Variants in GCM2 observed in about 807,000 individuals in gnomAD.
GCM2 encodes the protein GCM transcription factor 2.
In GCM2, 21 loss-of-function variants were observed where a neutral mutation model predicts 24.8. The ratio of observed to expected loss-of-function variants is 0.85; its 90% CI spans 0.60 to 1.22. The LOEUF is 1.22. GCM2 is among the 50% of genes most tolerant of loss of function. The probability of loss-of-function intolerance (pLI) is 0.00; values close to 1 mark genes in which losing one functional copy is unlikely to be tolerated. For missense variants in GCM2, 532 were observed against 645.6 expected, an observed-to-expected ratio of 0.82 and a Z score of 1.91; for synonymous variants, 222 against 238.0, an observed-to-expected ratio of 0.93 and a Z score of 0.62.
At chr6:10,875,134 C>T (rs747593538) in intron 4 of GCM2, among the ~76,000 whole-genome samples, 37 of 152,160 alleles carry the variant, frequency 2.4e-4, no homozygotes, top group East Asian at 7.7e-4. Flanking sequence ...TAAATACCAA[C>T]GACTGAATGA....
chr6:10,873,308 C>T lies in GCM2; in HGVS notation c.*687G>A, dbSNP rs1198319075. ...TAGTACAATGGTAATCCATTAAATA[C>T]AACTCATCATTGTTAGGCTGTCTCT... is the stretch of plus-strand genomic sequence containing the variant. On this transcript the variant is annotated 3_prime_UTR_variant, in exon 5 of 5. Coordinates refer to ENST00000379491, the MANE Select transcript of GCM2 (RefSeq NM_004752.4). The T allele has an allele frequency of 6.5e-6, 1 of 152,772 alleles. No homozygotes were observed. Among genetic ancestry groups the T allele is most frequent in the East Asian group, 1.9e-4 (1 of 5,210 alleles). The allele number at this position is 152,772 out of a possible 1,614,324, so 9.5% of individuals were successfully genotyped here.
chr6:10,877,791 A>G lies in GCM2; in HGVS notation c.91-399T>C, dbSNP rs1000323614. Among the ~76,000 whole-genome samples, 89 of 152,346 alleles carry G rather than the reference A, an allele frequency of 5.8e-4. 1 individual carries two copies. The highest frequency in any genetic ancestry group is 2.1e-3 in the African/African-American group (86 of 41,568). On this transcript the variant is annotated intron_variant, in intron 1 of 4. Transcript: ENST00000379491. The stretch of plus-strand genomic sequence containing the variant: ...AGCCTGTACTTCTTACCACTATGTT[A>G]TATCACTTCTTGGTGTGTTTAAATG...
chr6:10,873,757 C>G lies in GCM2; in HGVS notation c.*238G>C. The G allele has an allele frequency of 1.8e-6, 1 of 562,124 alleles. No homozygotes were observed. The highest frequency in any genetic ancestry group is 3.2e-6 in the Non-Finnish European group (1 of 311,932). The allele number at this position is 562,124 out of a possible 1,614,324, so 34.8% of individuals were successfully genotyped here. ...TGCTTATTTGTTCATTTGAGAGACT[C>G]ACACTTTCCTCACTACTTCTATGTA... On this transcript the variant is annotated 3_prime_UTR_variant, in exon 5 of 5. Coordinates refer to ENST00000379491, the MANE Select transcript of GCM2 (RefSeq NM_004752.4).
Position 10,881,870 on chromosome 6 carries a change from T to C in GCM2, c.-77A>G, listed in dbSNP as rs556333986. ...AAAGGACAGGTGCGCCAGGTGGGTT[T>C]TTTTTCTTCTCTTTAAAGAAGAAAG... On this transcript the variant is annotated 5_prime_UTR_variant, in exon 1 of 5. Transcript: ENST00000379491. 1.5e-4 allele frequency: 175 copies of C among 1,130,760 alleles called. No individual in the cohort carries two copies. Among genetic ancestry groups the C allele is most frequent in the Non-Finnish European group, 2.2e-4 (168 of 764,238 alleles). The allele number at this position is 1,130,760 out of a possible 1,614,324, so 70.0% of individuals were successfully genotyped here.
chr6:10,877,297 G>T lies in GCM2; in HGVS notation c.186C>A (p.Ser62Arg). ...TGTTGGTGTTGCGCATGGCCCAGCC[G>T]CTCAGGTGACGCTGTGCCTTCTTCT... The part of the protein sequence containing the change: ...SDEKKAQRHL[S>R]GWAMRNTNNH... Residue 62 changes from serine to arginine, a missense_variant, in exon 2 of 5, where the codon AGC (serine) becomes AGA (arginine). This residue lies in a region of GCM2 where 96 missense variants were observed against 103.5 expected (regional missense o/e 0.93). Coordinates refer to ENST00000379491, the MANE Select transcript of GCM2 (RefSeq NM_004752.4). 1.2e-6 allele frequency: 2 copies of T among 1,614,198 alleles called. No individual in the cohort carries two copies. The highest frequency in any genetic ancestry group is 1.7e-6 in the Non-Finnish European group (2 of 1,180,034).
intron 1 of GCM2, among the ~76,000 whole-genome samples, chr6:10,878,322 T>G (rs1239299289): frequency 6.6e-6 from 1 of 152,180 alleles, no homozygotes; most frequent in Non-Finnish European, 1.5e-5. Flanking sequence ...GAGCACTTCC[T>G]TTTTTCTTTT....
At position 10,876,575 on chromosome 6, in the gene GCM2, G is replaced by C. The variant is rs779715308; in HGVS notation, c.344-18C>G. 2 of 1,477,920 alleles carry C rather than the reference G, an allele frequency of 1.4e-6. No homozygotes were observed. Among genetic ancestry groups the C allele is most frequent in the African/African-American group, 1.4e-5 (1 of 72,432 alleles). The allele number at this position is 1,477,920 out of a possible 1,614,324, so 91.6% of individuals were successfully genotyped here. On this transcript the variant is annotated intron_variant, in intron 2 of 4. Coordinates refer to ENST00000379491, the MANE Select transcript of GCM2 (RefSeq NM_004752.4). Reference sequence around the variant, plus strand: ...TGCCTTCTCTGCAAAGCCCAGAAGGGAGAAATATTAACCCTGACCCCAGAC... The same window carrying C: ...TGCCTTCTCTGCAAAGCCCAGAAGGCAGAAATATTAACCCTGACCCCAGAC...
intron 1 of GCM2, among the ~76,000 whole-genome samples, chr6:10,879,315 C>T (rs1347049693): frequency 1.3e-5 from 2 of 152,140 alleles, no homozygotes; most frequent in Non-Finnish European, 2.9e-5. Flanking sequence ...TTTAGCTCTC[C>T]CTTAAGGATG....
At chr6:10,879,350 C>CT (rs1561673016) in intron 1 of GCM2, among the ~76,000 whole-genome samples, 1 of 152,166 alleles carries the variant, frequency 6.6e-6, no homozygotes, top group African/African-American at 2.4e-5. Context: ...ATGCCTCACA[C>CT]GAGCTACTGA....
chr6:10,874,512 G>A lies in GCM2; in HGVS notation c.1004C>T (p.Pro335Leu). Residue 335 changes from proline to leucine, a missense_variant, in exon 5 of 5, where the codon CCA becomes CTA. Around this residue, in one of 3 missense-constraint regions of GCM2, gnomAD observed 434 missense variants for 521.9 expected, o/e 0.83. Transcript: ENST00000379491. ...CACAAGGCTGGGTTTTCCAAGAGCTGGTTTCCAGCCATGCTGTTTGTTGGT... is the reference window on the plus strand; with the variant it reads ...CACAAGGCTGGGTTTTCCAAGAGCTAGTTTCCAGCCATGCTGTTTGTTGGT... ...DFTNKQHGWKPALGKPSLVER... is the reference protein window; with the variant it reads ...DFTNKQHGWKLALGKPSLVER... 2 of 1,614,222 alleles carry A rather than the reference G, an allele frequency of 1.2e-6. No individual in the cohort carries two copies. Among genetic ancestry groups the A allele is most frequent in the African/African-American group, 1.3e-5 (1 of 75,050 alleles).
Position 10,873,747 on chromosome 6 carries a change from T to C in GCM2, c.*248A>G. The C allele has an allele frequency of 1.9e-6, 1 of 540,452 alleles. No homozygotes were observed. The highest frequency in any genetic ancestry group is 3.3e-6 in the Non-Finnish European group (1 of 298,998). 33.5% of individuals were successfully genotyped at this position (540,452 alleles called of 1,614,324 possible). A position where few individuals can be genotyped will look rare whatever the true frequency, so the allele number is the denominator to read the frequency against. ...TCCTACAGTTTGCTTATTTGTTCAT[T>C]TGAGAGACTCACACTTTCCTCACTA... On this transcript the variant is annotated 3_prime_UTR_variant, in exon 5 of 5. Transcript: ENST00000379491.
chr6:10,881,601 T>C, intron 1 of GCM2, 103 bp downstream of exon 1: 1 of 597,666 alleles, frequency 1.7e-6, no homozygotes. Context: ...TGTGTGTGTG[T>C]GTGTGTATGG....
chr6:10,878,799 A>C (rs1181274789), intron 1 of GCM2, among the ~76,000 whole-genome samples: 2 of 152,220 alleles, frequency 1.3e-5, no homozygotes, highest in Non-Finnish European at 2.9e-5. Context: ...GTGGAGGTTC[A>C]ATAGATAACC....
At chr6:10,879,900 C>A (rs1483696418) in intron 1 of GCM2, among the ~76,000 whole-genome samples, 1 of 152,206 alleles carries the variant, frequency 6.6e-6, no homozygotes, top group Non-Finnish European at 1.5e-5. Context: ...GATGCACTTG[C>A]TGTACTGTGG....
At position 10,877,696 on chromosome 6, in the gene GCM2, C is replaced by T. The variant is rs138487357; in HGVS notation, c.91-304G>A. 1.5e-3 allele frequency among the ~76,000 whole-genome samples: 229 copies of T among 152,278 alleles called. 1 individual carries two copies. Among genetic ancestry groups the T allele is most frequent in the South Asian group, 0.011 (52 of 4,828 alleles). On this transcript the variant is annotated intron_variant, in intron 1 of 4. Coordinates refer to ENST00000379491, the MANE Select transcript of GCM2 (RefSeq NM_004752.4). ...TGGAGGCCAGAGAGGTTAATCGACT[C>T]GCCCAAGGTCACATCACACAGCTAG...
chr6:10,874,330 G>T lies in GCM2; in HGVS notation c.1186C>A (p.Pro396Thr). The T allele has an allele frequency of 6.2e-7, 1 of 1,614,208 alleles. No individual in the cohort carries two copies. The highest frequency in any genetic ancestry group is 8.5e-7 in the Non-Finnish European group (1 of 1,180,020). Residue 396 changes from proline (P) to threonine (T), a missense_variant, in exon 5 of 5, where the codon CCC becomes ACC. Physicochemically the swap from Pro to Thr is conservative, Grantham distance 38 (BLOSUM62 -1). This residue lies in a region of GCM2 where 434 missense variants were observed against 521.9 expected (regional missense o/e 0.83). Coordinates refer to ENST00000379491, the MANE Select transcript of GCM2 (RefSeq NM_004752.4). ...TTKVSYQAYQ[P>T]PAMKYSDSVR... is the part of the protein sequence containing the mutation. ...CTGTCACTGTATTTCATAGCAGGGG[G>T]CTGGTAGGCCTGGTAGGACACTTTA...
chr6:10,881,146 A>ATTT (rs1360468930), intron 1 of GCM2, among the ~76,000 whole-genome samples: 2 of 134,050 alleles, frequency 1.5e-5, no homozygotes, highest in African/African-American at 6.6e-5. Context: ...GAGAAGACAC[A>ATTT]TTTCTTCTTC....
chr6:10,878,191 TA>T (rs1328994968), intron 1 of GCM2, among the ~76,000 whole-genome samples: 1 of 152,248 alleles, frequency 6.6e-6, no homozygotes, highest in Non-Finnish European at 1.5e-5. Context: ...AAGTTGTATC[TA>T]AAATACTGAG....
At chr6:10,880,142 C>T (rs2113253994) in intron 1 of GCM2, among the ~76,000 whole-genome samples, 1 of 152,258 alleles carries the variant, frequency 6.6e-6, no homozygotes, top group East Asian at 1.9e-4. Flanking sequence ...GTAGTCCCAG[C>T]TACTCGGGAA....
Sources: gnomAD v4.1 joint callset for allele counts (sites outside exome capture counted in the v4.1 genomes callset) on GRCh38, gnomAD v4.1.1 for gene constraint, gnomAD v4.1.1 regional missense constraint, MANE v1.5 for transcripts, NCBI Gene and HGNC (gene_info 2026-07-23, HGNC 2026-07-21) for gene names.